FALEC: variants seen among roughly 807,000 people sequenced by gnomAD.
The protein encoded by FALEC is focally amplified lncRNA regulator of ECM1.
At chr1:150,522,637 CAAG>C (rs766912685), downstream of FALEC, among the ~76,000 whole-genome samples, 49 of 148,346 alleles carry the variant, frequency 3.3e-4, no homozygotes, top group Non-Finnish European at 6.0e-4. Flanking sequence ...AAAAAAAAAA[CAAG>C]AAGTTGGCAG....
chr1:150,526,713 A>G, the FALEC span, among the ~76,000 whole-genome samples: 1 of 151,860 alleles, frequency 6.6e-6, no homozygotes, highest in African/African-American at 2.4e-5. Context: ...GGCTCACTGC[A>G]TGCTCCACCT....
downstream of FALEC, among the ~76,000 whole-genome samples, chr1:150,519,809 T>C (rs1670615768): frequency 6.8e-6 from 1 of 147,426 alleles, no homozygotes; most frequent in Admixed American, 6.9e-5. Flanking sequence ...GAAGTTGGAG[T>C]GAGCCGAGAT....
At chr1:150,524,539 A>G in the FALEC span, among the ~76,000 whole-genome samples, 1 of 152,328 alleles carries the variant, frequency 6.6e-6, no homozygotes, top group South Asian at 2.1e-4. Context: ...GAATATCCAG[A>G]ACTCATACCT....
At chr1:150,528,734 A>G in the FALEC span, among the ~76,000 whole-genome samples, 4 of 151,802 alleles carry the variant, frequency 2.6e-5, no homozygotes, top group South Asian at 2.1e-4. Flanking sequence ...ACAGGTGCCC[A>G]CCACCACGCC....
chr1:150,518,415 A>C (rs1670598049), downstream of FALEC, among the ~76,000 whole-genome samples: 4 of 138,832 alleles, frequency 2.9e-5, no homozygotes, highest in African/African-American at 5.4e-5. Flanking sequence ...ATGGAGTTTC[A>C]CTCTTGTTGC....
At chr1:150,525,525 C>G in the FALEC span, among the ~76,000 whole-genome samples, 106 of 152,294 alleles carry the variant, frequency 7.0e-4, no homozygotes, top group African/African-American at 2.4e-3. Flanking sequence ...TCTGCAACCA[C>G]TGCCTTTTAA....
At chr1:150,526,031 A>G in the FALEC span, among the ~76,000 whole-genome samples, 1 of 152,092 alleles carries the variant, frequency 6.6e-6, no homozygotes, top group Non-Finnish European at 1.5e-5. Context: ...AGGTTCATTC[A>G]TGTTCAGCAT....
downstream of FALEC, among the ~76,000 whole-genome samples, chr1:150,520,940 T>C (rs1670634375): frequency 6.6e-6 from 1 of 151,948 alleles, no homozygotes; most frequent in Admixed American, 6.6e-5. Context: ...TAGTTGGGAT[T>C]ACAGGCGCCT....
chr1:150,522,933 ATGTG>A (rs1174772010), downstream of FALEC, among the ~76,000 whole-genome samples: 2,205 of 18,326 alleles, frequency 0.12, 518 homozygotes, highest in Non-Finnish European at 0.13. Flanking sequence ...ATACATATAT[ATGTG>A]TGTGTGTGTG....
At chr1:150,522,468 C>T, downstream of FALEC, among the ~76,000 whole-genome samples, 1 of 151,060 alleles carries the variant, frequency 6.6e-6, no homozygotes, top group Non-Finnish European at 1.5e-5. Flanking sequence ...ACTAAAAATA[C>T]AAAAAGTAGC....
the FALEC span, among the ~76,000 whole-genome samples, chr1:150,523,700 A>C: frequency 3.2e-4 from 48 of 151,806 alleles, no homozygotes; most frequent in Non-Finnish European, 5.9e-4. Flanking sequence ...TGGTGACTGG[A>C]ATTATATTTC....
the FALEC span, among the ~76,000 whole-genome samples, chr1:150,523,571 G>C: frequency 1.3e-5 from 2 of 150,610 alleles, no homozygotes; most frequent in Non-Finnish European, 3.0e-5. Flanking sequence ...GGAGAATGGC[G>C]TGAACCCGGG....
downstream of FALEC, among the ~76,000 whole-genome samples, chr1:150,519,245 T>C (rs975854059): frequency 6.6e-6 from 1 of 152,154 alleles, no homozygotes; most frequent in Admixed American, 6.5e-5. Context: ...TCCCTTGATA[T>C]TTAGAGTTAT....
chr1:150,527,421 G>C, the FALEC span, among the ~76,000 whole-genome samples: 2 of 151,332 alleles, frequency 1.3e-5, no homozygotes, highest in Non-Finnish European at 2.9e-5. Context: ...ACCACGCCTG[G>C]CTAATTTGTG....
chr1:150,523,020 G>A (rs1169460310), downstream of FALEC, among the ~76,000 whole-genome samples: 4 of 96,058 alleles, frequency 4.2e-5, no homozygotes, highest in African/African-American at 1.2e-4. Context: ...GTCTTGCTCT[G>A]TCACCCAGGC....
At chr1:150,522,904 C>CATATACAT (rs1560270719), downstream of FALEC, among the ~76,000 whole-genome samples, 40 of 72,110 alleles carry the variant, frequency 5.5e-4, 5 homozygotes, top group African/African-American at 2.5e-3. Flanking sequence ...TATATATATA[C>CATATACAT]ATATATATAC....
intron 1 of FALEC, among the ~76,000 whole-genome samples, chr1:150,516,526 TATC>T (rs1410428061): frequency 6.6e-6 from 1 of 152,226 alleles, no homozygotes; most frequent in Non-Finnish European, 1.5e-5. Flanking sequence ...AGCCAGCTAT[TATC>T]TGGAAGCAGT....
At chr1:150,534,016 A>G in the FALEC span, among the ~76,000 whole-genome samples, 9 of 152,224 alleles carry the variant, frequency 5.9e-5, no homozygotes, top group East Asian at 1.7e-3. Flanking sequence ...GCGTGGGGAG[A>G]AAGGTGCTGA....
downstream of FALEC, among the ~76,000 whole-genome samples, chr1:150,521,494 A>G (rs192417645): frequency 7.9e-4 from 121 of 152,306 alleles, no homozygotes; most frequent in African/African-American, 2.7e-3. Context: ...TGATATGTCA[A>G]TTGATCATTT....
Sources: allele counts gnomAD v4.1 joint callset (sites outside exome capture counted in the v4.1 genomes callset), GRCh38; gene constraint gnomAD v4.1.1; transcripts MANE v1.5; gene names NCBI Gene and HGNC (gene_info 2026-07-23, HGNC 2026-07-21).